Variants in DMXL1 observed in about 807,000 individuals in gnomAD.
DMXL1 encodes Dmx like 1, also known as dmX-like protein 1.
Under a neutral mutation model 319.2 loss-of-function variants are expected in DMXL1, and 99 were observed. The ratio of observed to expected loss-of-function variants is 0.31; its 90% CI spans 0.26 to 0.37. The LOEUF (loss-of-function observed/expected upper bound fraction) is 0.37. Among genes scored for constraint, DMXL1 ranks in the 10% least tolerant of loss-of-function variants. The pLI is 1.00. For missense variants in DMXL1, 3,745 were observed against 3,595.6 expected (o/e 1.04, Z -1.06); for synonymous variants, 1,385 against 1,235.2 (o/e 1.12, Z -2.54).
At chr5:119,162,862 T>A (rs184374913) in intron 19 of DMXL1, among the ~76,000 whole-genome samples, 25 of 152,340 alleles carry the variant, frequency 1.6e-4, no homozygotes, top group African/African-American at 6.0e-4. Context: ...TACCTTTCAT[T>A]TATTTTCAAA....
intron 4 of DMXL1, 131 bp downstream of exon 4, chr5:119,105,389 A>G: frequency 1.5e-6 from 1 of 663,018 alleles, no homozygotes; most frequent in East Asian, 2.8e-5. Flanking sequence ...AAAATGGATT[A>G]TGCCCTTTTA....
chr5:119,197,349 A>G (rs1416159998), intron 31 of DMXL1, among the ~76,000 whole-genome samples: 2 of 152,218 alleles, frequency 1.3e-5, no homozygotes, highest in African/African-American at 4.8e-5. Flanking sequence ...AAAAAATTTC[A>G]TAATGTTTTA....
At chr5:119,110,009 T>TA (rs1759216577) in intron 4 of DMXL1, 142 bp from the exon 5 acceptor site, 1 of 632,382 alleles carries the variant, frequency 1.6e-6, no homozygotes, top group Admixed American at 3.5e-5. Flanking sequence ...GAAATTAAAA[T>TA]ACAGCCTTCT....
intron 37 of DMXL1, among the ~76,000 whole-genome samples, chr5:119,222,424 T>C (rs946716810): frequency 1.1e-4 from 16 of 152,216 alleles, no homozygotes; most frequent in African/African-American, 3.4e-4. Flanking sequence ...TAAATAATTT[T>C]TCCAGCTGAC....
chr5:119,078,272 A>T (rs933496066), intron 1 of DMXL1, among the ~76,000 whole-genome samples: 11 of 152,068 alleles, frequency 7.2e-5, no homozygotes, highest in Admixed American at 2.6e-4. Flanking sequence ...GTGCTGCTGC[A>T]CCTGGCTCAT....
intron 38 of DMXL1, among the ~76,000 whole-genome samples, chr5:119,232,799 C>T (rs1581465983): frequency 6.7e-6 from 1 of 150,296 alleles, no homozygotes; most frequent in African/African-American, 2.5e-5. Flanking sequence ...CACTGCAAGA[C>T]CCTGTCTCTA....
intron 19 of DMXL1, among the ~76,000 whole-genome samples, chr5:119,163,365 A>G (rs577920335): frequency 3.7e-4 from 56 of 152,320 alleles, no homozygotes; most frequent in African/African-American, 1.2e-3. Flanking sequence ...ACCACCTGCA[A>G]TTACTTTTGT....
chr5:119,088,507 A>G (rs1242861802), intron 1 of DMXL1, among the ~76,000 whole-genome samples: 1 of 152,146 alleles, frequency 6.6e-6, no homozygotes, highest in African/African-American at 2.4e-5. Flanking sequence ...TATTATTGGT[A>G]AGTAAGGATT....
chr5:119,101,804 C>T (rs1435908145), intron 2 of DMXL1, 131 bp from the exon 3 acceptor site: 2 of 654,574 alleles, frequency 3.1e-6, no homozygotes, highest in African/African-American at 3.7e-5. Context: ...TCAAAACTGA[C>T]ATTCTTAAGC....
At chr5:119,121,161 C>T (rs1351716493) in intron 9 of DMXL1, 22 bp downstream of exon 9, 1 of 1,552,872 alleles carries the variant, frequency 6.4e-7, no homozygotes, top group Non-Finnish European at 8.7e-7. Flanking sequence ...TTGTTCAAAA[C>T]ATGTTTCTGA....
chr5:119,195,917 C>G (rs1779533513), intron 30 of DMXL1, among the ~76,000 whole-genome samples: 1 of 152,150 alleles, frequency 6.6e-6, no homozygotes, highest in African/African-American at 2.4e-5. Context: ...CTACAGCTAA[C>G]CACTTTTATT....
At chr5:119,142,801 G>A (rs1056293223) in intron 13 of DMXL1, among the ~76,000 whole-genome samples, 1 of 152,078 alleles carries the variant, frequency 6.6e-6, no homozygotes, top group African/African-American at 2.4e-5. Context: ...GCCCATGAGT[G>A]ACAGATTGGA....
intron 43 of DMXL1, 76 bp downstream of exon 43, chr5:119,244,652 A>C (rs1448937019): frequency 2.0e-6 from 2 of 1,019,412 alleles, no homozygotes; most frequent in African/African-American, 1.6e-5. Context: ...TATTGATGAC[A>C]TCAATCTATT....
At position 119,150,243 on chromosome 5, in the gene DMXL1, C is replaced by T; in HGVS notation, c.4416C>T (p.Asp1472=). The T allele has an allele frequency of 6.2e-7, 1 of 1,613,754 alleles. No individual in the cohort carries two copies. The highest frequency in any genetic ancestry group is 8.5e-7 in the Non-Finnish European group (1 of 1,179,802). The stretch of plus-strand genomic sequence containing the variant: ...AAAATACAAAGCCTAGAGTTATTGA[C>T]CTTTCACAGTACAGTCCGACTTACT... The part of the protein sequence containing the change: ...DEENTKPRVI[D]LSQYSPTYFG... The change falls in exon 18 of 44, where the codon GAC becomes GAT. Residue 1472 remains aspartate, a synonymous_variant. Coordinates refer to ENST00000539542, the MANE Select transcript of DMXL1 (RefSeq NM_001290321.3).
Position 119,150,259 on chromosome 5 carries a change from C to G in DMXL1, c.4432C>G (p.Pro1478Ala), listed in dbSNP as rs901100105. 8.1e-6 allele frequency: 13 copies of G among 1,613,640 alleles called. No individual in the cohort carries two copies. The highest frequency in any genetic ancestry group is 1.1e-5 in the Non-Finnish European group (13 of 1,179,830). Reference sequence around the variant, plus strand: ...AGTTATTGACCTTTCACAGTACAGTCCGACTTACTTTGGACCTGAGCATGC... The same window carrying G: ...AGTTATTGACCTTTCACAGTACAGTGCGACTTACTTTGGACCTGAGCATGC... ...PRVIDLSQYS[P>A]TYFGPEHAQV... The change falls in exon 18 of 44, where the codon CCG (proline) becomes GCG (alanine). Residue 1478 changes from proline to alanine, a missense_variant. By Grantham distance (27) the Pro-to-Ala change is conservative. Coordinates refer to ENST00000539542, the MANE Select transcript of DMXL1 (RefSeq NM_001290321.3).
intron 7 of DMXL1, among the ~76,000 whole-genome samples, chr5:119,118,599 G>C (rs1055177213): frequency 1.3e-5 from 2 of 152,042 alleles, no homozygotes; most frequent in Non-Finnish European, 2.9e-5. Context: ...AAAAAAGAAA[G>C]AACGTTTGGC....
intron 19 of DMXL1, among the ~76,000 whole-genome samples, chr5:119,163,680 C>T (rs888860080): frequency 6.6e-6 from 1 of 152,236 alleles, no homozygotes; most frequent in Non-Finnish European, 1.5e-5. Context: ...GCTCTGCCTC[C>T]TGGGTTCACG....
At chr5:119,191,383 T>C (rs1312918979) in intron 29 of DMXL1, among the ~76,000 whole-genome samples, 1 of 152,212 alleles carries the variant, frequency 6.6e-6, no homozygotes, top group African/African-American at 2.4e-5. Context: ...ATTTTTCTCA[T>C]ATCCTAAATG....
At chr5:119,153,258 G>A (rs536689439) in intron 19 of DMXL1, among the ~76,000 whole-genome samples, 2 of 152,264 alleles carry the variant, frequency 1.3e-5, no homozygotes, top group East Asian at 3.9e-4. Context: ...CATTATGGGC[G>A]TGAGCCATCT....
Sources: allele counts gnomAD v4.1 joint callset (sites outside exome capture counted in the v4.1 genomes callset), GRCh38; gene constraint gnomAD v4.1.1; transcripts MANE v1.5; gene names NCBI Gene and HGNC (gene_info 2026-07-23, HGNC 2026-07-21).